DENND5B: variants seen among roughly 807,000 people sequenced by gnomAD.
The protein encoded by DENND5B is DENN domain-containing protein 5B.
In DENND5B, 34 loss-of-function variants were observed where a neutral mutation model predicts 140.6. The observed-to-expected ratio is 0.24, with a 90% CI of 0.18 to 0.32. The LOEUF (loss-of-function observed/expected upper bound fraction) is 0.32, where lower values mean the gene tolerates loss of function less well. DENND5B is among the 10% of genes least tolerant of loss of function. The probability of loss-of-function intolerance (pLI) is 1.00; values close to 1 mark genes in which losing one functional copy is unlikely to be tolerated. For missense variants in DENND5B, 1,142 were observed against 1,560.2 expected (o/e 0.73, Z 4.52); for synonymous variants, 551 against 562.1 (o/e 0.98, Z 0.28).
intron 1 of DENND5B, among the ~76,000 whole-genome samples, chr12:31,513,599 C>T (rs1399913385): frequency 6.6e-6 from 1 of 152,126 alleles, no homozygotes; most frequent in Non-Finnish European, 1.5e-5. Context: ...CCATTTACAA[C>T]TCTTTTATTT....
At chr12:31,388,226 CT>C (rs35891849) in intron 20 of DENND5B, among the ~76,000 whole-genome samples, 46,062 of 91,284 alleles carry the variant, frequency 0.5, 10,998 homozygotes, top group East Asian at 0.79. Context: ...TAGGGACTTG[CT>C]TTTTTTTTTT....
At chr12:31,465,914 C>T (rs12423035) in intron 3 of DENND5B, 1,561 of 152,770 alleles carry the variant, frequency 0.01, 68 homozygotes, top group Admixed American at 0.079. Flanking sequence ...AGCCACCCAA[C>T]CTAAACATGT....
Position 31,590,756 on chromosome 12 carries a change from A to G in DENND5B, c.77T>C (p.Val26Ala), listed in dbSNP as rs1412900768. 5 of 1,429,416 alleles carry G rather than the reference A, an allele frequency of 3.5e-6. No homozygotes were observed. In the African/African-American group the frequency reaches 7.4e-5, roughly 21 times the overall value. The allele number at this position is 1,429,416 out of a possible 1,614,324, so 88.5% of individuals were successfully genotyped here. ...PAACRFAHYF[V>A]LCGIDADSGL... Reference sequence around the variant, plus strand: ...GCTGTCCGCGTCGATCCCGCACAGCACGAAGTAGTGCGCGAAGCGGCAGGC... The same window carrying G: ...GCTGTCCGCGTCGATCCCGCACAGCGCGAAGTAGTGCGCGAAGCGGCAGGC... Residue 26 changes from valine (V) to alanine (A), a missense_variant, in exon 1 of 21, where the codon GTG (valine) becomes GCG (alanine). Transcript: ENST00000389082.
rs529604009 is a variant in DENND5B, at chr12:31,429,606, G to A, written c.2107-3182C>T. Among the ~76,000 whole-genome samples, 25 of 149,430 alleles carry A rather than the reference G, an allele frequency of 1.7e-4. 1 individual carries two copies. In the South Asian group the frequency reaches 4.9e-3, roughly 29 times the overall value. Reference sequence around the variant, plus strand: ...ATATTTTTAGTAGAGACGGGGTTTCGCCATGTTGGCCAGGCTGGTCTCAAA... The same window carrying A: ...ATATTTTTAGTAGAGACGGGGTTTCACCATGTTGGCCAGGCTGGTCTCAAA... On this transcript the variant is annotated intron_variant, in intron 8 of 20. Transcript: ENST00000389082.
intron 1 of DENND5B, among the ~76,000 whole-genome samples, chr12:31,542,142 G>C (rs138793642): frequency 0.021 from 3,120 of 152,166 alleles, 57 homozygotes; most frequent in South Asian, 0.052. Flanking sequence ...AAAAAAATTA[G>C]CTGGGCGTGG....
At chr12:31,518,221 T>C (rs530832110) in intron 1 of DENND5B, among the ~76,000 whole-genome samples, 3 of 152,352 alleles carry the variant, frequency 2.0e-5, no homozygotes, top group East Asian at 1.9e-4. Flanking sequence ...TTGATTCAAA[T>C]ATTTTAGGAA....
At chr12:31,464,389 C>T (rs561479045) in intron 3 of DENND5B, among the ~76,000 whole-genome samples, 1 of 152,148 alleles carries the variant, frequency 6.6e-6, no homozygotes, top group African/African-American at 2.4e-5. Flanking sequence ...CCTAACACTT[C>T]TTATTATCAC....
rs139826736 is a variant in DENND5B, at chr12:31,414,441, C to T, written c.2553-877G>A. 3.8e-3 allele frequency among the ~76,000 whole-genome samples: 584 copies of T among 152,202 alleles called. 5 individuals are homozygous for T. The highest frequency in any genetic ancestry group is 0.013 in the African/African-American group (548 of 41,526). On this transcript the variant is annotated intron_variant, in intron 12 of 20. Transcript: ENST00000389082. Reference sequence around the variant, plus strand: ...GCAATTGTTCTGCCACATATCCTGCCATTATTTGCAGAATTTTTCTTCTGT... The same window carrying T: ...GCAATTGTTCTGCCACATATCCTGCTATTATTTGCAGAATTTTTCTTCTGT...
At chr12:31,402,754 G>T (rs708199) in intron 14 of DENND5B, 111 bp from the exon 15 acceptor site, 1,284,212 of 1,323,788 alleles carry the variant, frequency 0.97, 624,069 homozygotes, top group East Asian at 0.99. Context: ...CTTTTTATGA[G>T]CTATCAAGAT....
intron 12 of DENND5B, among the ~76,000 whole-genome samples, chr12:31,414,473 T>A (rs966264993): frequency 6.6e-5 from 10 of 152,176 alleles, no homozygotes; most frequent in African/African-American, 2.4e-4. Context: ...CTGTACCTTC[T>A]TCGGTGGGCA....
chr12:31,394,812 A>C (rs928675961), intron 17 of DENND5B, among the ~76,000 whole-genome samples: 3 of 151,880 alleles, frequency 2.0e-5, no homozygotes, highest in African/African-American at 7.3e-5. Flanking sequence ...ACGGGGTTTC[A>C]CCATGTTAGC....
rs533208956 is a variant in DENND5B at position 31,525,506 on chromosome 12, G to C, written c.128-29587C>G. Among the ~76,000 whole-genome samples the C allele has an allele frequency of 7.2e-5, 11 of 152,302 alleles. No homozygotes were observed. The South Asian group carries it at 2.3e-3, about 32-fold the overall frequency. On this transcript the variant is annotated intron_variant, in intron 1 of 20. Transcript: ENST00000389082. ...ACATATAAAGAATATGTGTTGCCAG[G>C]AGCTGAGTGAAGGGGAGAATGGGGA...
chr12:31,488,340 A>G (rs1946391236), intron 2 of DENND5B, among the ~76,000 whole-genome samples: 1 of 152,184 alleles, frequency 6.6e-6, no homozygotes, highest in Admixed American at 6.5e-5. Flanking sequence ...CAAAGTCAAC[A>G]TAAAGATTTA....
At chr12:31,585,944 A>G (rs1343047148) in intron 1 of DENND5B, among the ~76,000 whole-genome samples, 1 of 152,246 alleles carries the variant, frequency 6.6e-6, no homozygotes, top group African/African-American at 2.4e-5. Flanking sequence ...TGGTCATCAC[A>G]TAATTTGTAG....
intron 1 of DENND5B, among the ~76,000 whole-genome samples, chr12:31,574,058 G>A (rs1197098759): frequency 6.6e-6 from 1 of 151,250 alleles, no homozygotes; most frequent in Non-Finnish European, 1.5e-5. Context: ...AGGACCATTT[G>A]AGACTAGCCT....
At chr12:31,397,915 C>T (rs906748815) in intron 17 of DENND5B, among the ~76,000 whole-genome samples, 15 of 152,170 alleles carry the variant, frequency 9.9e-5, no homozygotes, top group Non-Finnish European at 1.9e-4. Context: ...CAGAGTGAAA[C>T]CTTGTCTCAA....
At chr12:31,505,093 CTGAGT>C (rs1947145297) in intron 1 of DENND5B, among the ~76,000 whole-genome samples, 1 of 152,140 alleles carries the variant, frequency 6.6e-6, no homozygotes. Context: ...GTTTACTAGC[CTGAGT>C]TTTTATTTGT....
chr12:31,443,417 T>C (rs557032413), intron 6 of DENND5B, among the ~76,000 whole-genome samples: 6 of 152,292 alleles, frequency 3.9e-5, no homozygotes, highest in Non-Finnish European at 7.3e-5. Context: ...ATTAGTATAA[T>C]GTAAGTATAA....
At chr12:31,533,376 A>C (rs1948361409) in intron 1 of DENND5B, among the ~76,000 whole-genome samples, 1 of 152,164 alleles carries the variant, frequency 6.6e-6, no homozygotes, top group Non-Finnish European at 1.5e-5. Context: ...TCTAGAAATC[A>C]TTTTTGTTGT....
Sources: gnomAD v4.1 joint callset for allele counts (sites outside exome capture counted in the v4.1 genomes callset) on GRCh38, gnomAD v4.1.1 for gene constraint, MANE v1.5 for transcripts, NCBI Gene and HGNC (gene_info 2026-07-23, HGNC 2026-07-21) for gene names.